The following CFAP418 variants were observed in gnomAD, a reference collection of about 807,000 sequenced individuals.
CFAP418 encodes the protein cilia- and flagella-associated protein 418.
In CFAP418, 27 loss-of-function variants were observed where a neutral mutation model predicts 24.7. That is an observed-to-expected ratio of 1.09 (90% CI 0.81 to 1.51). The LOEUF (loss-of-function observed/expected upper bound fraction) is 1.51. CFAP418 is among the 40% of genes most tolerant of loss of function. The pLI is 0.00. For synonymous variants in CFAP418, 74 were observed against 87.3 expected (o/e 0.85, Z 0.85); for missense variants, 257 against 255.2 (o/e 1.01, Z -0.05).
intron 5 of CFAP418, among the ~76,000 whole-genome samples, chr8:95,249,458 T>C (rs1221527267): frequency 6.6e-6 from 1 of 152,062 alleles, no homozygotes; most frequent in Non-Finnish European, 1.5e-5. Flanking sequence ...AGCTCAGGAG[T>C]TCGAGACCAG....
intron 3 of CFAP418, 57 bp downstream of exon 3, chr8:95,260,411 A>G: frequency 1.6e-6 from 2 of 1,241,904 alleles, no homozygotes. Context: ...CTACTAGACT[A>G]TGCTCATAGT....
rs957120340 is a variant in CFAP418 at position 95,268,954 on chromosome 8, T to C, written c.155+81A>G. Reference sequence around the variant, plus strand: ...GCTGGAGGTCGCGGGCACGTTTCTTTTGGGTTGGGCGGCGGAGGGGCAGCT... The same window carrying C: ...GCTGGAGGTCGCGGGCACGTTTCTTCTGGGTTGGGCGGCGGAGGGGCAGCT... On this transcript the variant is annotated intron_variant, in intron 1 of 5. Coordinates refer to ENST00000286688, the MANE Select transcript of CFAP418 (RefSeq NM_177965.4). The C allele has an allele frequency of 4.1e-6, 6 of 1,479,558 alleles. No homozygotes were observed. In the Admixed American group the frequency reaches 6.2e-5, roughly 15 times the overall value. 91.7% of individuals were successfully genotyped at this position (1,479,558 alleles called of 1,614,324 possible). A position where few individuals can be genotyped will look rare whatever the true frequency, so the allele number is the denominator to read the frequency against.
Position 95,247,758 on chromosome 8 carries a change from T to C in CFAP418, c.483A>G (p.Pro161=). 6.2e-7 allele frequency: 1 copy of C among 1,611,118 alleles called. No homozygotes were observed. Among genetic ancestry groups the C allele is most frequent in the Admixed American group, 1.7e-5 (1 of 59,778 alleles). Residue 161 remains proline, a synonymous_variant, in exon 6 of 6, where the codon CCA becomes CCG. Transcript: ENST00000286688. The part of the protein sequence containing the change: ...CDYLFFRNNM[P]EFHKLKAKLI... ...ACTTTGCTTTTAATTTGTGAAATTC[T>C]GGCATGTTGTTCCTATTAGTAAAAC...
chr8:95,250,215 C>G (rs1251301036), intron 5 of CFAP418, among the ~76,000 whole-genome samples: 1 of 152,214 alleles, frequency 6.6e-6, no homozygotes, highest in South Asian at 2.1e-4. Context: ...TTAGCTGTTC[C>G]ATTCTCTTAT....
chr8:95,247,872 GT>G, intron 5 of CFAP418, 102 bp from the exon 6 acceptor site: 1 of 1,204,610 alleles, frequency 8.3e-7, no homozygotes, highest in Non-Finnish European at 1.1e-6. Context: ...TTCTTTTTTT[GT>G]TTTTAGGAGT....
intron 1 of CFAP418, among the ~76,000 whole-genome samples, chr8:95,268,186 A>G (rs1026675022): frequency 2.4e-4 from 36 of 152,188 alleles, no homozygotes; most frequent in Non-Finnish European, 5.9e-5. Flanking sequence ...ATGGCTCGCA[A>G]CTGTAATCCT....
chr8:95,265,748 C>T (rs1304480328), intron 1 of CFAP418, among the ~76,000 whole-genome samples: 1 of 152,156 alleles, frequency 6.6e-6, no homozygotes, highest in African/African-American at 2.4e-5. Flanking sequence ...GTTCTTAGAT[C>T]ACACAATTTC....
intron 5 of CFAP418, among the ~76,000 whole-genome samples, chr8:95,249,173 T>C (rs910027088): frequency 1.3e-5 from 2 of 152,242 alleles, no homozygotes; most frequent in African/African-American, 4.8e-5. Flanking sequence ...TTAGCGATTT[T>C]AGGATTAGGA....
intron 4 of CFAP418, among the ~76,000 whole-genome samples, chr8:95,255,110 C>T (rs1263364348): frequency 6.6e-6 from 1 of 152,204 alleles, no homozygotes; most frequent in African/African-American, 2.4e-5. Flanking sequence ...TCTTGCCCCT[C>T]CAACTCCCAA....
chr8:95,261,036 A>C lies in CFAP418; in HGVS notation c.244-504T>G, dbSNP rs141972201. ...ATCAACCAATAAATGTGCAAGGAAA[A>C]TGTAGAACTACCTAGTCACAACCAT... is the stretch of plus-strand genomic sequence containing the variant. On this transcript the variant is annotated intron_variant, in intron 2 of 5. Coordinates refer to ENST00000286688, the MANE Select transcript of CFAP418 (RefSeq NM_177965.4). 3.1e-4 allele frequency among the ~76,000 whole-genome samples: 47 copies of C among 152,344 alleles called. No homozygotes were observed. The East Asian group carries it at 8.9e-3, about 29-fold the overall frequency.
Position 95,259,852 on chromosome 8 carries a change from T to G in CFAP418, c.362A>C (p.Asn121Thr), listed in dbSNP as rs750108824. ...TCTGACAACCTACCTCCATGAAATA[T>G]TTGTTCCAATCCCACATGGAATAGA... ...GSSIPCGIGT[N>T]ISWRACDHLR... Residue 121 changes from asparagine (N) to threonine (T), a missense_variant, in exon 4 of 6, where the codon AAT (asparagine) becomes ACT (threonine). Asn to Thr is a moderately conservative substitution (Grantham distance 65). Transcript: ENST00000286688. The G allele has an allele frequency of 6.2e-6, 10 of 1,609,212 alleles. No individual in the cohort carries two copies. The Admixed American group carries it at 1.7e-4, about 27-fold the overall frequency.
chr8:95,247,855 T>C, intron 5 of CFAP418, 85 bp from the exon 6 acceptor site: 1 of 1,341,334 alleles, frequency 7.5e-7, no homozygotes, highest in Non-Finnish European at 1.0e-6. Context: ...CATTGCTTTC[T>C]TTTCTTTTCT....
chr8:95,249,698 A>G (rs1811679973), intron 5 of CFAP418, among the ~76,000 whole-genome samples: 1 of 152,164 alleles, frequency 6.6e-6, no homozygotes, highest in Admixed American at 6.5e-5. Context: ...GATAGGATAC[A>G]TTTATTTCTC....
At chr8:95,269,003 C>G in intron 1 of CFAP418, 32 bp downstream of exon 1, 1 of 1,608,290 alleles carries the variant, frequency 6.2e-7, no homozygotes, top group Non-Finnish European at 8.5e-7. Context: ...CAGGGCTTTA[C>G]CAGAACAGTC....
At chr8:95,254,772 A>G (rs1417002028) in intron 4 of CFAP418, among the ~76,000 whole-genome samples, 1 of 152,226 alleles carries the variant, frequency 6.6e-6, no homozygotes, top group African/African-American at 2.4e-5. Context: ...AACATCAGCT[A>G]AGATTCTTCC....
intron 2 of CFAP418, among the ~76,000 whole-genome samples, chr8:95,262,929 C>T (rs1811917237): frequency 6.6e-6 from 1 of 152,108 alleles, no homozygotes; most frequent in Non-Finnish European, 1.5e-5. Flanking sequence ...TGTCCATCAT[C>T]AGGGAAGTGG....
At chr8:95,255,051 G>A (rs1811765303) in intron 4 of CFAP418, among the ~76,000 whole-genome samples, 1 of 151,988 alleles carries the variant, frequency 6.6e-6, no homozygotes, top group African/African-American at 2.4e-5. Flanking sequence ...CTCTTTCCTG[G>A]ACCACTCTAA....
At chr8:95,267,783 C>T (rs1441290759) in intron 1 of CFAP418, among the ~76,000 whole-genome samples, 1 of 151,944 alleles carries the variant, frequency 6.6e-6, no homozygotes, top group Non-Finnish European at 1.5e-5. Flanking sequence ...CGTGTAATTT[C>T]ACAAGCGTTT....
Position 95,247,755 on chromosome 8 carries a change from T to C in CFAP418, c.486A>G (p.Glu162=). The C allele has an allele frequency of 6.2e-7, 1 of 1,611,600 alleles. No homozygotes were observed. The highest frequency in any genetic ancestry group is 8.5e-7 in the Non-Finnish European group (1 of 1,178,396). Residue 162 remains glutamate (E), a synonymous_variant, in exon 6 of 6, where the codon GAA becomes GAG. Transcript: ENST00000286688. ...DYLFFRNNMP[E]FHKLKAKLIK... ...TCAACTTTGCTTTTAATTTGTGAAA[T>C]TCTGGCATGTTGTTCCTATTAGTAA...
Sources: allele counts gnomAD v4.1 joint callset (sites outside exome capture counted in the v4.1 genomes callset), GRCh38; gene constraint gnomAD v4.1.1; transcripts MANE v1.5; gene names NCBI Gene and HGNC (gene_info 2026-07-23, HGNC 2026-07-21).